Variants in CSMD2 observed in about 807,000 individuals in gnomAD.
CSMD2 encodes CUB and sushi domain-containing protein 2.
A neutral mutation model predicts 398.5 loss-of-function variants in CSMD2; 130 were observed. The ratio of observed to expected loss-of-function variants is 0.33; its 90% confidence interval spans 0.28 to 0.38. The LOEUF (loss-of-function observed/expected upper bound fraction) is 0.38, where lower values mean the gene tolerates loss of function less well. Among genes scored for constraint, CSMD2 ranks in the 10% least tolerant of loss-of-function variants. The pLI, the probability that CSMD2 is intolerant of heterozygous loss-of-function variation, is 1.00. For synonymous variants in CSMD2, 1,828 were observed against 1,908.5 expected (o/e 0.96, Z 1.10); for missense variants, 3,829 against 4,764.9 (o/e 0.80, Z 5.78).
intron 22 of CSMD2, 66 bp from the exon 23 acceptor site, chr1:33,700,739 T>C: frequency 6.5e-7 from 1 of 1,527,492 alleles, no homozygotes; most frequent in South Asian, 1.2e-5. Flanking sequence ...AACACCTCCT[T>C]ACCCCACAAC....
At chr1:33,714,861 G>A in intron 20 of CSMD2, 86 bp from the exon 21 acceptor site, 1 of 1,327,252 alleles carries the variant, frequency 7.5e-7, no homozygotes, top group Non-Finnish European at 1.1e-6. Flanking sequence ...CAAAACACCA[G>A]GGGGAAAGGG....
At chr1:33,705,775 C>T (rs920920519) in intron 22 of CSMD2, among the ~76,000 whole-genome samples, 2 of 151,540 alleles carry the variant, frequency 1.3e-5, no homozygotes, top group Non-Finnish European at 2.9e-5. Context: ...CTCACTTTGT[C>T]GCCCAGGCTG....
chr1:33,533,701 T>A lies in CSMD2; in HGVS notation c.9991+95A>T. On this transcript the variant is annotated intron_variant, in intron 63 of 70. Coordinates refer to ENST00000373381, the MANE Select transcript of CSMD2 (RefSeq NM_001281956.2). The surrounding 1 kb of genome is among the most constrained non-coding windows in gnomAD (Gnocchi z 4.2). ...CGATGTCGGTTCGCATGGGGAGTTGTGAACTCCCTGTCATTCAGAGCATTC... is the reference window on the plus strand; with the variant it reads ...CGATGTCGGTTCGCATGGGGAGTTGAGAACTCCCTGTCATTCAGAGCATTC... The A allele has an allele frequency of 1.3e-6, 1 of 788,008 alleles. No individual in the cohort carries two copies. The highest frequency in any genetic ancestry group is 2.2e-6 in the Non-Finnish European group (1 of 458,588). 48.8% of individuals were successfully genotyped at this position (788,008 alleles called of 1,614,324 possible).
At chr1:33,776,260 G>A (rs983254919) in intron 12 of CSMD2, among the ~76,000 whole-genome samples, 3 of 152,206 alleles carry the variant, frequency 2.0e-5, no homozygotes, top group African/African-American at 7.2e-5. Context: ...CAGAGAAGGA[G>A]AGAGGCATGG....
chr1:33,843,237 G>T (rs987689310), intron 6 of CSMD2, among the ~76,000 whole-genome samples: 1 of 152,184 alleles, frequency 6.6e-6, no homozygotes, highest in Non-Finnish European at 1.5e-5. Flanking sequence ...GAACACAGTT[G>T]CCTACCTCCT....
In CSMD2 at chr1:33,657,993, T is replaced by C; in HGVS notation, c.4400A>G (p.Lys1467Arg). 1 of 1,614,140 alleles carries C rather than the reference T, an allele frequency of 6.2e-7. No homozygotes were observed. Among genetic ancestry groups the C allele is most frequent in the Non-Finnish European group, 8.5e-7 (1 of 1,179,990 alleles). The change falls in exon 27 of 71, where the codon AAG (lysine) becomes AGG (arginine). Residue 1467 changes from lysine (K) to arginine (R), a missense_variant. By Grantham distance (26) the Lys-to-Arg change is conservative (BLOSUM62 2). Around this residue, in one of 5 missense-constraint regions of CSMD2, gnomAD observed 2,001 missense variants for 2,567.1 expected, o/e 0.78. Coordinates refer to ENST00000373381, the MANE Select transcript of CSMD2 (RefSeq NM_001281956.2). ...LQGSAEISCV[K>R]IENRFFWQPS... Reference sequence around the variant, plus strand: ...CTGCCAGAAGAACCTGTTCTCGATCTTCACACAGCTGATCTCTGCACTTCC... The same window carrying C: ...CTGCCAGAAGAACCTGTTCTCGATCCTCACACAGCTGATCTCTGCACTTCC...
rs1645908396 is a variant in CSMD2 at position 33,709,369 on chromosome 1, C to T, written c.3407-111G>A. On this transcript the variant is annotated intron_variant, in intron 21 of 70. Coordinates refer to ENST00000373381, the MANE Select transcript of CSMD2 (RefSeq NM_001281956.2). ...GATGACAAGTCGTTTGCCTGTCTAC[C>T]TGCCAAGGTGCCTGCGTGTCTGTCC... 8 of 896,214 alleles carry T rather than the reference C, an allele frequency of 8.9e-6. No homozygotes were observed. In the East Asian group the frequency reaches 1.1e-4, roughly 12 times the overall value. The allele number at this position is 896,214 out of a possible 1,614,324, so 55.5% of individuals were successfully genotyped here.
At chr1:33,637,795 G>T (rs1229234159) in intron 29 of CSMD2, among the ~76,000 whole-genome samples, 1 of 152,148 alleles carries the variant, frequency 6.6e-6, no homozygotes, top group Non-Finnish European at 1.5e-5. Flanking sequence ...CCTTGCAGAA[G>T]GACTCAGAAA....
At chr1:33,839,519 G>C (rs527754571) in intron 6 of CSMD2, 1 of 161,168 alleles carries the variant, frequency 6.2e-6, no homozygotes, top group Non-Finnish European at 1.5e-5. Context: ...CCATGTTCTT[G>C]GAAGGAAAAG....
At chr1:33,572,455 G>A in intron 50 of CSMD2, 51 bp downstream of exon 50, 3 of 1,423,408 alleles carry the variant, frequency 2.1e-6, no homozygotes, top group Non-Finnish European at 2.8e-6. Flanking sequence ...AATCTTTCCA[G>A]CTGCCTACCT....
At chr1:33,634,462 T>A (rs1311646580) in intron 31 of CSMD2, among the ~76,000 whole-genome samples, 1 of 152,150 alleles carries the variant, frequency 6.6e-6, no homozygotes, top group East Asian at 1.9e-4. Context: ...CATGTTGATG[T>A]CCTTTGCCAC....
chr1:33,582,889 A>G (rs1638827861), intron 47 of CSMD2, among the ~76,000 whole-genome samples: 1 of 152,234 alleles, frequency 6.6e-6, no homozygotes. Context: ...TGATCTGGCC[A>G]TGTAGTCTTT....
At chr1:34,070,639 G>A (rs1655633566) in intron 2 of CSMD2, among the ~76,000 whole-genome samples, 1 of 152,192 alleles carries the variant, frequency 6.6e-6, no homozygotes, top group Non-Finnish European at 1.5e-5. Flanking sequence ...GAGCTTTGCG[G>A]TAGTGGATAC....
At position 33,698,721 on chromosome 1, in the gene CSMD2, A is replaced by G. The variant is rs554708716; in HGVS notation, c.3925+32T>C. ...TAGAGCTTGGTATTATGGGAGACCC[A>G]AGGGTTCCCTGCAGAGGAAGAGCCC... On this transcript the variant is annotated intron_variant, in intron 24 of 70. Transcript: ENST00000373381. The G allele has an allele frequency of 8.2e-6, 13 of 1,590,270 alleles. No homozygotes were observed. In the African/African-American group the frequency reaches 1.1e-4, roughly 13 times the overall value.
intron 2 of CSMD2, among the ~76,000 whole-genome samples, chr1:34,054,894 A>G (rs1285378521): frequency 6.6e-6 from 1 of 152,200 alleles, no homozygotes; most frequent in Non-Finnish European, 1.5e-5. Context: ...ATTCCAGTCT[A>G]TTCTTTGGGT....
At chr1:33,813,361 C>G (rs1322113468) in intron 9 of CSMD2, among the ~76,000 whole-genome samples, 1 of 152,204 alleles carries the variant, frequency 6.6e-6, no homozygotes, top group African/African-American at 2.4e-5. Context: ...GTTCTGTGGA[C>G]AGACAGACAG....
chr1:33,807,573 C>T (rs528786177), intron 10 of CSMD2, among the ~76,000 whole-genome samples: 53 of 152,138 alleles, frequency 3.5e-4, no homozygotes, highest in African/African-American at 1.2e-3. Context: ...CCTAAGTGGA[C>T]AGTGGCTTTA....
At chr1:33,836,777 T>A (rs1035956421) in intron 6 of CSMD2, among the ~76,000 whole-genome samples, 18 of 152,164 alleles carry the variant, frequency 1.2e-4, no homozygotes, top group African/African-American at 4.3e-4. Flanking sequence ...TTTCCTTGGC[T>A]AGGAAAGCGA....
At chr1:33,810,660 C>T in intron 10 of CSMD2, 83 bp downstream of exon 10, 1 of 1,396,982 alleles carries the variant, frequency 7.2e-7, no homozygotes, top group Non-Finnish European at 9.9e-7. Flanking sequence ...TCAGTAAGTT[C>T]TGGGTTTGAA....
Sources: gnomAD v4.1 joint callset for allele counts (sites outside exome capture counted in the v4.1 genomes callset) on GRCh38, gnomAD v4.1.1 for gene constraint, gnomAD v4.1.1 regional missense constraint, Gnocchi (gnomAD v3.1) non-coding constraint, MANE v1.5 for transcripts, NCBI Gene and HGNC (gene_info 2026-07-23, HGNC 2026-07-21) for gene names.